Variants in SLC9A9 observed in about 807,000 individuals in gnomAD.
SLC9A9 encodes solute carrier family 9 member A9.
Under a neutral mutation model 77.8 loss-of-function variants are expected in SLC9A9, and 62 were observed. The ratio of observed to expected loss-of-function variants is 0.80; its 90% CI spans 0.65 to 0.98. The LOEUF (loss-of-function observed/expected upper bound fraction) is 0.98. SLC9A9 is among the 50% of genes least tolerant of loss of function. The pLI is 0.00. For missense variants in SLC9A9, 775 were observed against 774.9 expected, an observed-to-expected ratio of 1.00 and a Z score of 0.00; for synonymous variants, 320 against 283.5, an observed-to-expected ratio of 1.13 and a Z score of -1.29.
At chr3:143,558,610 G>T (rs1355931702) in intron 8 of SLC9A9, among the ~76,000 whole-genome samples, 1 of 152,166 alleles carries the variant, frequency 6.6e-6, no homozygotes, top group South Asian at 2.1e-4. Flanking sequence ...GGAGTTGCAT[G>T]GGGCCTGTAC....
intron 4 of SLC9A9, among the ~76,000 whole-genome samples, chr3:143,728,823 A>G (rs1934729089): frequency 6.6e-6 from 1 of 151,988 alleles, no homozygotes; most frequent in African/African-American, 2.4e-5. Flanking sequence ...GGAAACAACA[A>G]GTATGACCCT....
intron 14 of SLC9A9, among the ~76,000 whole-genome samples, chr3:143,333,484 G>A (rs533433448): frequency 6.6e-6 from 1 of 152,232 alleles, no homozygotes; most frequent in South Asian, 2.1e-4. Context: ...TACAACCAAG[G>A]CAGCTCTCAT....
chr3:143,760,431 G>C (rs1383011353), intron 4 of SLC9A9, among the ~76,000 whole-genome samples: 1 of 152,158 alleles, frequency 6.6e-6, no homozygotes, highest in Admixed American at 6.5e-5. Flanking sequence ...TGACATGATT[G>C]TATAGCTAGA....
At chr3:143,518,873 G>T (rs2036248025) in intron 9 of SLC9A9, among the ~76,000 whole-genome samples, 1 of 152,152 alleles carries the variant, frequency 6.6e-6, no homozygotes, top group Non-Finnish European at 1.5e-5. Context: ...GTCTCCTGAT[G>T]TGCATAGGAA....
Position 143,693,234 on chromosome 3 carries a change from C to G in SLC9A9, c.607G>C (p.Asp203His). 6.2e-7 allele frequency: 1 copy of G among 1,613,282 alleles called. No homozygotes were observed. The highest frequency in any genetic ancestry group is 8.5e-7 in the Non-Finnish European group (1 of 1,179,538). ...QLKNGDFHFT[D>H]CLFFGSLMSA... ...ATCAGTGAACCAAAAAATAAACAGTCAGTGAAATGAAAGTCTCCATTTTTC... is the reference window on the plus strand; with the variant it reads ...ATCAGTGAACCAAAAAATAAACAGTGAGTGAAATGAAAGTCTCCATTTTTC... The change falls in exon 5 of 16, where the codon GAC becomes CAC. Residue 203 changes from aspartate to histidine, a missense_variant. Asp to His is a moderately conservative substitution (Grantham distance 81). Coordinates refer to ENST00000316549, the MANE Select transcript of SLC9A9 (RefSeq NM_173653.4).
chr3:143,819,230 G>C (rs960843683), intron 2 of SLC9A9, among the ~76,000 whole-genome samples: 2 of 152,170 alleles, frequency 1.3e-5, no homozygotes, highest in African/African-American at 4.8e-5. Flanking sequence ...ATACCATAAA[G>C]CTATAATTAC....
chr3:143,767,222 G>T (rs1028235574), intron 4 of SLC9A9, among the ~76,000 whole-genome samples: 1 of 152,142 alleles, frequency 6.6e-6, no homozygotes, highest in Non-Finnish European at 1.5e-5. Flanking sequence ...TGTTATTCAT[G>T]CCAGGGTGTC....
At chr3:143,468,775 TA>T (rs2035326733) in intron 11 of SLC9A9, among the ~76,000 whole-genome samples, 1 of 152,258 alleles carries the variant, frequency 6.6e-6, no homozygotes, top group African/African-American at 2.4e-5. Flanking sequence ...ACTAGTATAT[TA>T]AAACCTGTTT....
chr3:143,586,667 G>T (rs2037546538), intron 6 of SLC9A9, among the ~76,000 whole-genome samples: 1 of 152,158 alleles, frequency 6.6e-6, no homozygotes, highest in Admixed American at 6.5e-5. Context: ...TTTTTATGGG[G>T]CCAAGAATTG....
intron 12 of SLC9A9, among the ~76,000 whole-genome samples, chr3:143,409,890 G>A (rs544169950): frequency 6.6e-6 from 1 of 152,198 alleles, no homozygotes; most frequent in Non-Finnish European, 1.5e-5. Context: ...GGAACAGCAG[G>A]AGAAGAAGGA....
At chr3:143,764,452 G>A (rs990130214) in intron 4 of SLC9A9, among the ~76,000 whole-genome samples, 3 of 152,184 alleles carry the variant, frequency 2.0e-5, no homozygotes, top group African/African-American at 4.8e-5. Context: ...TGCCCTCAGA[G>A]TAACTTTTGG....
chr3:143,284,367 C>A (rs1938317353), intron 14 of SLC9A9, among the ~76,000 whole-genome samples: 1 of 151,382 alleles, frequency 6.6e-6, no homozygotes, highest in African/African-American at 2.4e-5. Context: ...TCATTTAATG[C>A]CAGCTCCAGA....
intron 5 of SLC9A9, among the ~76,000 whole-genome samples, chr3:143,689,681 AT>A (rs35491837): frequency 0.43 from 65,545 of 151,868 alleles, 14,321 homozygotes; most frequent in South Asian, 0.6. Context: ...TAGGGTTGGG[AT>A]TTTAGGTGTG....
chr3:143,758,636 T>C (rs2007009405), intron 4 of SLC9A9, among the ~76,000 whole-genome samples: 2 of 151,890 alleles, frequency 1.3e-5, no homozygotes, highest in Admixed American at 6.6e-5. Context: ...AAATAGAGGA[T>C]AGTTAGAGAT....
chr3:143,697,602 T>C (rs1038834600), intron 4 of SLC9A9, among the ~76,000 whole-genome samples: 2 of 152,082 alleles, frequency 1.3e-5, no homozygotes, highest in Non-Finnish European at 1.5e-5. Context: ...AGAGTTTGAA[T>C]CCAGGCAGCT....
chr3:143,682,878 A>C (rs1401101635), intron 5 of SLC9A9, among the ~76,000 whole-genome samples: 1 of 152,164 alleles, frequency 6.6e-6, no homozygotes, highest in Non-Finnish European at 1.5e-5. Context: ...GACCCATGTG[A>C]TTAAACTGGG....
At chr3:143,403,229 A>T (rs1319981271) in intron 12 of SLC9A9, among the ~76,000 whole-genome samples, 9 of 151,768 alleles carry the variant, frequency 5.9e-5, no homozygotes, top group Non-Finnish European at 1.2e-4. Flanking sequence ...GTTACTCTTT[A>T]TTTCTTCCTG....
At chr3:143,428,809 A>G (rs577917862) in intron 12 of SLC9A9, among the ~76,000 whole-genome samples, 1 of 152,354 alleles carries the variant, frequency 6.6e-6, no homozygotes, top group Admixed American at 6.5e-5. Flanking sequence ...AGGACATTAC[A>G]TTAAGGTAAA....
intron 5 of SLC9A9, among the ~76,000 whole-genome samples, chr3:143,685,866 G>GC (rs1237165282): frequency 6.6e-6 from 1 of 152,160 alleles, no homozygotes; most frequent in Non-Finnish European, 1.5e-5. Flanking sequence ...AAAATGTTCA[G>GC]CCACTGACCA....
Sources: gnomAD v4.1 joint callset for allele counts (sites outside exome capture counted in the v4.1 genomes callset) on GRCh38, gnomAD v4.1.1 for gene constraint, MANE v1.5 for transcripts, NCBI Gene and HGNC (gene_info 2026-07-23, HGNC 2026-07-21) for gene names.